RFFL: variants seen among roughly 807,000 people sequenced by gnomAD.
RFFL encodes the protein ring finger and FYVE like domain containing E3 ubiquitin protein ligase, also known as E3 ubiquitin-protein ligase rififylin.
Under a neutral mutation model 40.4 loss-of-function variants are expected in RFFL, and 16 were observed. The observed-to-expected ratio is 0.40, with a 90% CI of 0.27 to 0.60. The LOEUF is 0.60. RFFL is among the 20% of genes least tolerant of loss of function. RFFL has a pLI of 0.47. For synonymous variants in RFFL, 154 were observed against 167.9 expected (o/e 0.92, Z 0.64); for missense variants, 367 against 451.7 (o/e 0.81, Z 1.70).
intron 1 of RFFL, among the ~76,000 whole-genome samples, chr17:35,036,877 G>C (rs1248919345): frequency 6.6e-6 from 1 of 152,184 alleles, no homozygotes; most frequent in African/African-American, 2.4e-5. Flanking sequence ...GCAGATCAGT[G>C]GTTGTCATGG....
At chr17:35,069,511 AT>A (rs919442186) in intron 1 of RFFL, 4 of 358,590 alleles carry the variant, frequency 1.1e-5, no homozygotes, top group Non-Finnish European at 2.2e-5. Context: ...AGAAGGAGAG[AT>A]TTCAAAATAA....
At chr17:35,046,164 T>C (rs1229164637) in intron 1 of RFFL, among the ~76,000 whole-genome samples, 2 of 152,062 alleles carry the variant, frequency 1.3e-5, no homozygotes, top group Non-Finnish European at 2.9e-5. Flanking sequence ...CTAAGATTAC[T>C]TGAAAAACAA....
At position 35,006,818 on chromosome 17, in the gene RFFL, C is replaced by G. The variant is rs1340597146; in HGVS notation, c.*5150G>C. 6.6e-6 allele frequency: 1 copy of G among 152,464 alleles called. No homozygotes were observed. The highest frequency in any genetic ancestry group is 1.5e-5 in the Non-Finnish European group (1 of 68,386). The allele number at this position is 152,464 out of a possible 1,614,324, so 9.4% of individuals were successfully genotyped here. On this transcript the variant is annotated 3_prime_UTR_variant, in exon 7 of 7. Coordinates refer to ENST00000394597, the MANE Select transcript of RFFL (RefSeq NM_001017368.2). ...GCGCCCCCTGGCCACCCCACCGCCC[C>G]CCCCCAACTTTGATCTGATTGACTT...
At chr17:35,024,707 T>C (rs1475269102) in intron 2 of RFFL, among the ~76,000 whole-genome samples, 1 of 152,198 alleles carries the variant, frequency 6.6e-6, no homozygotes, top group Non-Finnish European at 1.5e-5. Flanking sequence ...AAAAAGATAG[T>C]AGGATCCATG....
intron 1 of RFFL, among the ~76,000 whole-genome samples, chr17:35,058,255 TGAAA>T (rs1324581335): frequency 1.3e-5 from 2 of 151,976 alleles, no homozygotes; most frequent in Non-Finnish European, 2.9e-5. Flanking sequence ...GATAGTTACC[TGAAA>T]GAAAGGACAT....
intron 1 of RFFL, among the ~76,000 whole-genome samples, chr17:35,081,836 C>T (rs2142387267): frequency 6.6e-6 from 1 of 152,148 alleles, no homozygotes; most frequent in African/African-American, 2.4e-5. Context: ...AACAAAACTT[C>T]AATTGTATTA....
intron 1 of RFFL, among the ~76,000 whole-genome samples, chr17:35,079,346 A>G (rs188627969): frequency 1.3e-5 from 2 of 152,330 alleles, no homozygotes; most frequent in Admixed American, 1.3e-4. Flanking sequence ...CTAAAACAAC[A>G]ACATAAGGAG....
At chr17:35,040,864 TGGTG>T (rs2091160614) in intron 1 of RFFL, among the ~76,000 whole-genome samples, 1 of 37,584 alleles carries the variant, frequency 2.7e-5, no homozygotes, top group African/African-American at 8.0e-5. Flanking sequence ...TTTTTTTTTT[TGGTG>T]TGTGTGTGTG....
At chr17:35,045,678 A>G (rs2091194890) in intron 1 of RFFL, among the ~76,000 whole-genome samples, 1 of 152,204 alleles carries the variant, frequency 6.6e-6, no homozygotes, top group South Asian at 2.1e-4. Flanking sequence ...TTAACTAATG[A>G]TAACAGCAAT....
At chr17:35,044,956 C>T (rs1229042109) in intron 1 of RFFL, among the ~76,000 whole-genome samples, 1 of 151,698 alleles carries the variant, frequency 6.6e-6, no homozygotes, top group Non-Finnish European at 1.5e-5. Flanking sequence ...ACTGCAGCCT[C>T]GATCTCCCAG....
intron 1 of RFFL, among the ~76,000 whole-genome samples, chr17:35,047,464 A>G (rs2091205848): frequency 6.6e-6 from 1 of 152,250 alleles, no homozygotes; most frequent in Non-Finnish European, 1.5e-5. Context: ...CCCAGAGCCC[A>G]GCAAATAATG....
At chr17:35,068,956 A>G (rs1792283347) in intron 1 of RFFL, among the ~76,000 whole-genome samples, 1 of 152,080 alleles carries the variant, frequency 6.6e-6, no homozygotes, top group East Asian at 1.9e-4. Flanking sequence ...TTTTTCCCTG[A>G]GCAGCTAATA....
chr17:35,083,945 G>A (rs749506424), intron 1 of RFFL, among the ~76,000 whole-genome samples: 14 of 149,948 alleles, frequency 9.3e-5, no homozygotes, highest in Non-Finnish European at 1.8e-4. Flanking sequence ...CAAAGCACTT[G>A]GGAAGCCAGG....
intron 1 of RFFL, among the ~76,000 whole-genome samples, chr17:35,068,788 G>A (rs1028237860): frequency 2.0e-4 from 31 of 152,306 alleles, no homozygotes; most frequent in African/African-American, 6.7e-4. Flanking sequence ...CTGAGGACCC[G>A]ATGGAGGAGG....
intron 1 of RFFL, among the ~76,000 whole-genome samples, chr17:35,038,567 T>C (rs565815865): frequency 8.5e-5 from 13 of 152,330 alleles, no homozygotes; most frequent in Admixed American, 4.6e-4. Context: ...AGAATTATGA[T>C]ATGTTCACAG....
intron 4 of RFFL, among the ~76,000 whole-genome samples, chr17:35,017,321 T>G (rs543401262): frequency 6.6e-6 from 1 of 152,254 alleles, no homozygotes; most frequent in Admixed American, 6.5e-5. Flanking sequence ...GTCTCCACTG[T>G]GACCTCACAA....
intron 1 of RFFL, chr17:35,042,380 C>T (rs2073800200): frequency 1.3e-5 from 2 of 152,192 alleles, no homozygotes; most frequent in Admixed American, 1.3e-4. Context: ...CTGGTGACAA[C>T]ACAATGAGCA....
chr17:35,082,770 T>C (rs1240857084), intron 1 of RFFL, among the ~76,000 whole-genome samples: 1 of 152,206 alleles, frequency 6.6e-6, no homozygotes, highest in Non-Finnish European at 1.5e-5. Context: ...CTTGCATATT[T>C]TCCCCCTTTT....
chr17:35,021,220 G>T, intron 3 of RFFL, 151 bp downstream of exon 3: 2 of 753,014 alleles, frequency 2.7e-6, no homozygotes, highest in Non-Finnish European at 4.0e-6. Context: ...CTGATACCCA[G>T]AAAACACTTG....
Sources: allele counts gnomAD v4.1 joint callset (sites outside exome capture counted in the v4.1 genomes callset), GRCh38; gene constraint gnomAD v4.1.1; transcripts MANE v1.5; gene names NCBI Gene and HGNC (gene_info 2026-07-23, HGNC 2026-07-21).